The following HECW2 variants were observed in gnomAD, a reference collection of about 807,000 sequenced individuals.
HECW2 encodes the protein E3 ubiquitin-protein ligase HECW2.
A neutral mutation model predicts 175.2 loss-of-function variants in HECW2; 61 were observed. The observed-to-expected ratio is 0.35, with a 90% CI of 0.28 to 0.43. The LOEUF (loss-of-function observed/expected upper bound fraction) is 0.43. HECW2 is among the 20% of genes least tolerant of loss of function. The pLI, the probability that HECW2 is intolerant of heterozygous loss-of-function variation, is 1.00. For missense variants in HECW2, 1,524 were observed against 2,000.5 expected (o/e 0.76, Z 4.54); for synonymous variants, 671 against 731.0 (o/e 0.92, Z 1.32).
chr2:196,242,003 ACAAT>A, intron 20 of HECW2, 77 bp downstream of exon 20: 2 of 1,350,142 alleles, frequency 1.5e-6, no homozygotes, highest in South Asian at 1.3e-5. Flanking sequence ...ATCCCAAATC[ACAAT>A]CAATTTCCTA....
intron 1 of HECW2, among the ~76,000 whole-genome samples, chr2:196,503,004 T>C (rs1483582039): frequency 2.6e-5 from 4 of 152,242 alleles, no homozygotes; most frequent in Non-Finnish European, 5.9e-5. Context: ...GAATTCAGAA[T>C]GCAGGAGTGT....
intron 1 of HECW2, among the ~76,000 whole-genome samples, chr2:196,449,459 T>C (rs1444753704): frequency 1.3e-5 from 2 of 152,228 alleles, no homozygotes; most frequent in African/African-American, 2.4e-5. Context: ...AAAATGATAG[T>C]ACTATATGAC....
At chr2:196,296,934 A>T (rs1437288719) in intron 13 of HECW2, among the ~76,000 whole-genome samples, 2 of 152,254 alleles carry the variant, frequency 1.3e-5, no homozygotes, top group African/African-American at 4.8e-5. Context: ...AGTGGTTCTA[A>T]CTAGGTAAGG....
intron 1 of HECW2, among the ~76,000 whole-genome samples, chr2:196,593,077 C>A (rs1159070381): frequency 6.6e-6 from 1 of 151,270 alleles, no homozygotes; most frequent in Admixed American, 6.6e-5. Flanking sequence ...CTCTTCCCGC[C>A]GCCCTCCGCA....
intron 1 of HECW2, among the ~76,000 whole-genome samples, chr2:196,532,296 C>T (rs982104258): frequency 2.0e-5 from 3 of 152,066 alleles, no homozygotes; most frequent in Non-Finnish European, 2.9e-5. Context: ...TACTATGCAG[C>T]CATAAAAAAG....
chr2:196,510,936 G>GT (rs1004394624), intron 1 of HECW2, among the ~76,000 whole-genome samples: 2 of 151,578 alleles, frequency 1.3e-5, no homozygotes, highest in African/African-American at 2.4e-5. Flanking sequence ...TTTGTTTGGG[G>GT]TTTTTTTCTT....
At chr2:196,285,280 G>A (rs556321659) in intron 14 of HECW2, among the ~76,000 whole-genome samples, 15 of 152,156 alleles carry the variant, frequency 9.9e-5, no homozygotes, top group African/African-American at 3.6e-4. Context: ...GTTTGAAATC[G>A]TTTCCAGTTA....
intron 16 of HECW2, among the ~76,000 whole-genome samples, chr2:196,271,994 G>C (rs1268883233): frequency 6.6e-6 from 1 of 152,134 alleles, no homozygotes; most frequent in Non-Finnish European, 1.5e-5. Flanking sequence ...TCACCAACGA[G>C]ATTCTAGATC....
chr2:196,435,937 A>T (rs534880227), intron 1 of HECW2, among the ~76,000 whole-genome samples: 1 of 152,342 alleles, frequency 6.6e-6, no homozygotes, highest in Admixed American at 6.5e-5. Context: ...TAATTATATC[A>T]AGAACTGGTT....
chr2:196,369,907 T>G (rs1358045063), intron 2 of HECW2, among the ~76,000 whole-genome samples: 1 of 151,852 alleles, frequency 6.6e-6, no homozygotes, highest in Non-Finnish European at 1.5e-5. Flanking sequence ...GGCCTGGAAC[T>G]CTCCCTTTAG....
At chr2:196,480,128 T>G (rs1686791148) in intron 1 of HECW2, among the ~76,000 whole-genome samples, 1 of 152,056 alleles carries the variant, frequency 6.6e-6, no homozygotes, top group Non-Finnish European at 1.5e-5. Context: ...TCCCCATCAC[T>G]TCCAATTAAA....
Position 196,235,292 on chromosome 2 carries a change from G to T in HECW2, c.3764+5157C>A, listed in dbSNP as rs548178519. The stretch of plus-strand genomic sequence containing the variant: ...TTTTTGTATTTTTATTAGAGACGGG[G>T]TTTCACCATGAGTTAGCCAGGATGG... On this transcript the variant is annotated intron_variant, in intron 21 of 28. Transcript: ENST00000644978. Among the ~76,000 whole-genome samples the T allele has an allele frequency of 1.1e-4, 16 of 151,894 alleles. No individual in the cohort carries two copies. In the East Asian group the frequency reaches 1.2e-3, roughly 11 times the overall value.
intron 13 of HECW2, 147 bp from the exon 14 acceptor site, chr2:196,292,897 C>G (rs1690656459): frequency 3.4e-6 from 2 of 589,982 alleles, no homozygotes; most frequent in Admixed American, 3.3e-5. Context: ...TGTATGGAAA[C>G]AGCAGACAGA....
At chr2:196,207,579 T>C (rs1233079337) in intron 28 of HECW2, among the ~76,000 whole-genome samples, 1 of 152,140 alleles carries the variant, frequency 6.6e-6, no homozygotes, top group African/African-American at 2.4e-5. Flanking sequence ...TGGAAAGAAA[T>C]TCTATGGTGC....
rs373432075 is a variant in HECW2, at chr2:196,589,098, C to T, written c.-36+4410G>A. Among the ~76,000 whole-genome samples, 6 of 152,144 alleles carry T rather than the reference C, an allele frequency of 3.9e-5. No homozygotes were observed. In the South Asian group the frequency reaches 6.3e-4, roughly 16 times the overall value. ...CCTGTAATCCCAGCTACTTGGGAGA[C>T]GGAGGCATGAGAATCGCTTAAACCC... On this transcript the variant is annotated intron_variant, in intron 1 of 28. Transcript: ENST00000644978.
At chr2:196,343,161 C>T (rs890312769) in intron 3 of HECW2, among the ~76,000 whole-genome samples, 2 of 152,058 alleles carry the variant, frequency 1.3e-5, no homozygotes, top group African/African-American at 2.4e-5. Flanking sequence ...CCAAGACCCC[C>T]ATGGGATACC....
chr2:196,544,501 T>G (rs764389365), intron 1 of HECW2, among the ~76,000 whole-genome samples: 3 of 152,142 alleles, frequency 2.0e-5, no homozygotes, highest in Non-Finnish European at 4.4e-5. Flanking sequence ...ACCAATCCAG[T>G]TGGGGGGCAC....
intron 6 of HECW2, 72 bp downstream of exon 6, chr2:196,324,908 A>C: frequency 2.3e-6 from 3 of 1,296,806 alleles, no homozygotes; most frequent in Non-Finnish European, 2.1e-6. Context: ...GGGATGCAAA[A>C]GTCTCAAGGA....
In HECW2 at chr2:196,527,196, G is replaced by A. The variant is rs542203386; in HGVS notation, c.-36+66312C>T. Among the ~76,000 whole-genome samples, 4 of 152,342 alleles carry A rather than the reference G, an allele frequency of 2.6e-5. No homozygotes were observed. In the South Asian group the frequency reaches 6.2e-4, roughly 24 times the overall value. On this transcript the variant is annotated intron_variant, in intron 1 of 28. Coordinates refer to ENST00000644978, the MANE Select transcript of HECW2 (RefSeq NM_001348768.2). Reference sequence around the variant, plus strand: ...AATCTCGTGGTGCGCCGTTTTTTAAGCTGGTCTGAAAAGCGCAATATTCGG... The same window carrying A: ...AATCTCGTGGTGCGCCGTTTTTTAAACTGGTCTGAAAAGCGCAATATTCGG...
Sources: allele counts gnomAD v4.1 joint callset (sites outside exome capture counted in the v4.1 genomes callset), GRCh38; gene constraint gnomAD v4.1.1; transcripts MANE v1.5; gene names NCBI Gene and HGNC (gene_info 2026-07-23, HGNC 2026-07-21).